The following ACACA variants were observed in gnomAD, a reference collection of about 807,000 sequenced individuals.
ACACA encodes the protein acetyl-CoA carboxylase 1.
Under a neutral mutation model 296.1 loss-of-function variants are expected in ACACA, and 103 were observed. That is an observed-to-expected ratio of 0.35 (90% CI 0.30 to 0.41). The LOEUF is 0.41. Among genes scored for constraint, ACACA ranks in the 10% least tolerant of loss-of-function variants. The pLI is 1.00. For synonymous variants in ACACA, 953 were observed against 1,038.6 expected (o/e 0.92, Z 1.58); for missense variants, 1,554 against 2,989.7 (o/e 0.52, Z 11.20).
At chr17:37,202,637 T>G (rs1451114769) in intron 33 of ACACA, among the ~76,000 whole-genome samples, 1 of 144,648 alleles carries the variant, frequency 6.9e-6, no homozygotes, top group Non-Finnish European at 1.5e-5. Context: ...CTTTTGTTTT[T>G]TTCTTAAATT....
chr17:37,136,116 A>G (rs2075321336), intron 45 of ACACA, among the ~76,000 whole-genome samples: 1 of 149,668 alleles, frequency 6.7e-6, no homozygotes, highest in Non-Finnish European at 1.5e-5. Flanking sequence ...ACTGTCCATC[A>G]TAAGGTATAC....
intron 3 of ACACA, among the ~76,000 whole-genome samples, chr17:37,322,442 T>A (rs559401956): frequency 1.1e-4 from 17 of 152,294 alleles, no homozygotes; most frequent in Non-Finnish European, 1.9e-4. Flanking sequence ...TTTCAAATAC[T>A]ATTGATATGG....
intron 24 of ACACA, among the ~76,000 whole-genome samples, chr17:37,238,204 TCTTTAGTA>T (rs1167775588): frequency 1.3e-5 from 2 of 152,140 alleles, no homozygotes; most frequent in African/African-American, 4.8e-5. Flanking sequence ...CAGCTTCACC[TCTTTAGTA>T]CATATTTAAG....
Position 37,184,273 on chromosome 17 carries a change from T to C in ACACA, c.4777-2917A>G, listed in dbSNP as rs1387243718. On this transcript the variant is annotated intron_variant, in intron 39 of 55. Transcript: ENST00000616317. ...TCTTAGTTTACTCTCTCCTACTCAA[T>C]AGAGACTTCTATTCTCATCATTCCT... is the stretch of plus-strand genomic sequence containing the variant. Among the ~76,000 whole-genome samples the C allele has an allele frequency of 3.3e-5, 5 of 152,348 alleles. No homozygotes were observed. The East Asian group carries it at 9.6e-4, about 29-fold the overall frequency.
At position 37,330,493 on chromosome 17, in the gene ACACA, G is replaced by A. The variant is rs553680588; in HGVS notation, c.86-68C>T. On this transcript the variant is annotated intron_variant, in intron 2 of 55. Transcript: ENST00000616317. ...TAATCTATATCTGAGGTCAGCCAGA[G>A]GTTATATCTAATAAACCATAGCTGA... 1.6e-4 allele frequency: 261 copies of A among 1,589,240 alleles called. 3 individuals are homozygous for A. Among genetic ancestry groups the A allele is most frequent in the Non-Finnish European group, 2.1e-4 (241 of 1,163,844 alleles).
chr17:37,338,982 A>G (rs993259105), intron 2 of ACACA, among the ~76,000 whole-genome samples: 1 of 148,786 alleles, frequency 6.7e-6, no homozygotes, highest in African/African-American at 2.6e-5. Context: ...AGAGGGAGGG[A>G]AAAGGGGTAA....
At chr17:37,264,372 T>C (rs896223781) in intron 10 of ACACA, among the ~76,000 whole-genome samples, 1 of 152,238 alleles carries the variant, frequency 6.6e-6, no homozygotes, top group Non-Finnish European at 1.5e-5. Flanking sequence ...GGTAACTATT[T>C]TTTTTCTCAG....
intron 26 of ACACA, chr17:37,225,324 G>A (rs562443897): frequency 2.2e-4 from 110 of 510,350 alleles, no homozygotes; most frequent in Admixed American, 4.7e-4. Context: ...TTGCATTGTG[G>A]CCAATTTCCC....
At chr17:37,243,276 C>A in intron 22 of ACACA, 95 bp downstream of exon 22, 1 of 1,343,066 alleles carries the variant, frequency 7.4e-7, no homozygotes, top group Non-Finnish European at 1.1e-6. Flanking sequence ...AGCACAACAT[C>A]CAAAAAGTAA....
chr17:37,102,411 G>A (rs1453415369), intron 52 of ACACA, among the ~76,000 whole-genome samples: 5 of 152,036 alleles, frequency 3.3e-5, no homozygotes, highest in African/African-American at 4.8e-5. Context: ...TACCATGTTG[G>A]CCAGACTGGT....
intron 25 of ACACA, among the ~76,000 whole-genome samples, chr17:37,230,855 C>T (rs895880414): frequency 4.6e-5 from 7 of 152,194 alleles, no homozygotes; most frequent in Admixed American, 4.6e-4. Flanking sequence ...AAGAGCCAAC[C>T]TGCTGATTTT....
chr17:37,322,067 T>C (rs2047383737), intron 3 of ACACA, among the ~76,000 whole-genome samples: 1 of 152,248 alleles, frequency 6.6e-6, no homozygotes, highest in African/African-American at 2.4e-5. Flanking sequence ...CTCAAAATTT[T>C]CTAGTTAAAT....
At chr17:37,118,745 A>G (rs1273391472) in intron 50 of ACACA, among the ~76,000 whole-genome samples, 1 of 152,216 alleles carries the variant, frequency 6.6e-6, no homozygotes, top group Non-Finnish European at 1.5e-5. Context: ...TTTATGTAAA[A>G]TGTTCATAAC....
At chr17:37,166,058 T>C (rs2076654080) in intron 41 of ACACA, among the ~76,000 whole-genome samples, 1 of 152,242 alleles carries the variant, frequency 6.6e-6, no homozygotes. Flanking sequence ...GCATCTCCTC[T>C]AGTGCTTCCC....
intron 1 of ACACA, among the ~76,000 whole-genome samples, chr17:37,344,130 A>G (rs568348548): frequency 6.6e-6 from 1 of 152,002 alleles, no homozygotes; most frequent in South Asian, 2.1e-4. Flanking sequence ...TTTTTTAAAA[A>G]GAAAAAAAAA....
chr17:37,236,596 G>A (rs1002278288), intron 24 of ACACA, among the ~76,000 whole-genome samples: 36 of 152,164 alleles, frequency 2.4e-4, no homozygotes, highest in Admixed American at 5.9e-4. Flanking sequence ...CAGCCAAGGC[G>A]GGTGGATCAC....
chr17:37,191,852 C>A (rs145010795), intron 37 of ACACA, among the ~76,000 whole-genome samples: 259 of 149,738 alleles, frequency 1.7e-3, no homozygotes, highest in African/African-American at 6.1e-3. Context: ...AAAGAGCCTT[C>A]ATTTTTTATT....
intron 1 of ACACA, among the ~76,000 whole-genome samples, chr17:37,400,212 C>T (rs946372689): frequency 2.6e-5 from 4 of 152,014 alleles, no homozygotes; most frequent in Admixed American, 6.6e-5. Context: ...CTCTGCCTCC[C>T]GGGTTCAAGT....
chr17:37,175,226 T>C (rs1162292534), intron 41 of ACACA, among the ~76,000 whole-genome samples: 3 of 152,224 alleles, frequency 2.0e-5, no homozygotes, highest in Non-Finnish European at 2.9e-5. Context: ...AACAAGAGCA[T>C]AGTCTCAAGA....
Sources: allele counts gnomAD v4.1 joint callset (sites outside exome capture counted in the v4.1 genomes callset), GRCh38; gene constraint gnomAD v4.1.1; transcripts MANE v1.5; gene names NCBI Gene and HGNC (gene_info 2026-07-23, HGNC 2026-07-21).